PPP1R1C: variants seen among roughly 807,000 people sequenced by gnomAD.
The protein encoded by PPP1R1C is protein phosphatase 1 regulatory subunit 1C.
Under a neutral mutation model 17.4 loss-of-function variants are expected in PPP1R1C, and 15 were observed. The ratio of observed to expected loss-of-function variants is 0.86; its 90% CI spans 0.58 to 1.33. PPP1R1C has a LOEUF of 1.33. Among genes scored for constraint, PPP1R1C ranks in the 40% most tolerant of loss-of-function variants. The pLI, the probability that PPP1R1C is intolerant of heterozygous loss-of-function variation, is 0.00. For missense variants in PPP1R1C, 143 were observed against 130.0 expected (o/e 1.10, Z -0.48); for synonymous variants, 35 against 43.1 (o/e 0.81, Z 0.73).
At chr2:181,981,974 T>A (rs1685201041), upstream of PPP1R1C, among the ~76,000 whole-genome samples, 1 of 152,236 alleles carries the variant, frequency 6.6e-6, no homozygotes, top group African/African-American at 2.4e-5. Flanking sequence ...TTGCTTTTAT[T>A]TTTGATGGCA....
intron 2 of PPP1R1C, among the ~76,000 whole-genome samples, chr2:182,015,029 G>A (rs1686216304): frequency 6.6e-6 from 1 of 152,026 alleles, no homozygotes; most frequent in Non-Finnish European, 1.5e-5. Context: ...AAGTCCTCTT[G>A]GTGCTCTACT....
chr2:182,018,181 A>T (rs999124391), intron 2 of PPP1R1C, among the ~76,000 whole-genome samples: 2 of 152,194 alleles, frequency 1.3e-5, no homozygotes, highest in Admixed American at 6.5e-5. Context: ...CTAAACTAAG[A>T]CCAAATAAAA....
intron 4 of PPP1R1C, among the ~76,000 whole-genome samples, chr2:182,080,572 TA>T (rs1314041898): frequency 1.3e-5 from 2 of 152,218 alleles, no homozygotes; most frequent in African/African-American, 2.4e-5. Context: ...CATTCACACA[TA>T]TTTCAGATAG....
chr2:181,997,680 A>T (rs1472553810), intron 2 of PPP1R1C, among the ~76,000 whole-genome samples: 1 of 152,196 alleles, frequency 6.6e-6, no homozygotes. Flanking sequence ...TTAAGATTAT[A>T]TTCTCATTTG....
chr2:182,083,653 C>T (rs890851359), intron 4 of PPP1R1C, among the ~76,000 whole-genome samples: 4 of 152,020 alleles, frequency 2.6e-5, no homozygotes, highest in Non-Finnish European at 4.4e-5. Context: ...TTTCTTTATC[C>T]GATCATTGGT....
At chr2:182,079,149 T>C (rs1342897298) in intron 4 of PPP1R1C, among the ~76,000 whole-genome samples, 1 of 152,212 alleles carries the variant, frequency 6.6e-6, no homozygotes, top group Non-Finnish European at 1.5e-5. Flanking sequence ...GTAAACACTA[T>C]ATTCTGATGA....
intron 5 of PPP1R1C, among the ~76,000 whole-genome samples, chr2:182,124,314 GTTTT>G (rs796745919): frequency 2.4e-5 from 1 of 42,100 alleles, no homozygotes; most frequent in African/African-American, 6.8e-5. Flanking sequence ...GTTTTTTTTT[GTTTT>G]TTTTTTTTGT....
At chr2:181,989,470 C>A (rs1685397893) in intron 2 of PPP1R1C, among the ~76,000 whole-genome samples, 1 of 152,178 alleles carries the variant, frequency 6.6e-6, no homozygotes, top group African/African-American at 2.4e-5. Context: ...TTTCCACTGG[C>A]ACTGGCTTTG....
chr2:182,108,572 A>G (rs1023873388), intron 4 of PPP1R1C, among the ~76,000 whole-genome samples: 11 of 152,126 alleles, frequency 7.2e-5, no homozygotes, highest in African/African-American at 2.7e-4. Context: ...CATAATAACC[A>G]TATATTCATT....
chr2:182,036,414 A>G (rs1687004916), intron 2 of PPP1R1C, among the ~76,000 whole-genome samples: 1 of 152,224 alleles, frequency 6.6e-6, no homozygotes, highest in African/African-American at 2.4e-5. Flanking sequence ...TTACTGGATT[A>G]TTACTATTAT....
intron 2 of PPP1R1C, among the ~76,000 whole-genome samples, chr2:182,001,945 A>G (rs1276331415): frequency 1.3e-5 from 2 of 152,154 alleles, no homozygotes; most frequent in Admixed American, 6.6e-5. Context: ...TCATATACGT[A>G]TAGCTTCACA....
intron 4 of PPP1R1C, 129 bp downstream of exon 4, chr2:182,063,920 T>A: frequency 2.8e-6 from 2 of 718,272 alleles, no homozygotes; most frequent in Non-Finnish European, 5.0e-6. Flanking sequence ...AACAGTGTTA[T>A]GTTCAGTAAG....
chr2:182,087,632 T>C (rs1263108987), intron 4 of PPP1R1C, among the ~76,000 whole-genome samples: 1 of 152,154 alleles, frequency 6.6e-6, no homozygotes, highest in Non-Finnish European at 1.5e-5. Context: ...GTTGAGTGAA[T>C]GAATGGACTC....
Position 182,123,292 on chromosome 2 carries a change from G to A in PPP1R1C, c.*7-5682G>A, listed in dbSNP as rs144492695. ...GTTGGTTCCAAGTCTTTGCTTTTGT[G>A]AATAGTGCCACAATAAACATACGTG... is the stretch of plus-strand genomic sequence containing the variant. On this transcript the variant is annotated intron_variant, in intron 5 of 5. Transcript: ENST00000280295. Among the ~76,000 whole-genome samples the A allele has an allele frequency of 4.7e-3, 717 of 152,278 alleles. 6 individuals carry two copies. The highest frequency in any genetic ancestry group is 0.041 in the South Asian group (195 of 4,812).
chr2:182,127,099 A>T (rs1470782295), intron 5 of PPP1R1C, among the ~76,000 whole-genome samples: 1 of 152,136 alleles, frequency 6.6e-6, no homozygotes, highest in African/African-American at 2.4e-5. Context: ...ATATTAGAGT[A>T]TATTCAGCAA....
At chr2:182,071,982 C>A (rs1688153524) in intron 4 of PPP1R1C, among the ~76,000 whole-genome samples, 1 of 152,194 alleles carries the variant, frequency 6.6e-6, no homozygotes, top group South Asian at 2.1e-4. Flanking sequence ...CTCCAAGGAG[C>A]TCTCAAATAT....
intron 1 of PPP1R1C, among the ~76,000 whole-genome samples, chr2:181,973,382 A>G (rs965147130): frequency 1.3e-5 from 2 of 152,260 alleles, no homozygotes; most frequent in South Asian, 4.1e-4. Flanking sequence ...GAGTTTACGC[A>G]GAGCCAGAAG....
intron 1 of PPP1R1C, among the ~76,000 whole-genome samples, chr2:181,955,655 G>C (rs1293914836): frequency 6.6e-6 from 1 of 152,090 alleles, no homozygotes; most frequent in African/African-American, 2.4e-5. Flanking sequence ...TTCAAAACTT[G>C]TCCATTCTAA....
At chr2:182,082,230 A>G (rs1285157365) in intron 4 of PPP1R1C, among the ~76,000 whole-genome samples, 4 of 152,206 alleles carry the variant, frequency 2.6e-5, no homozygotes, top group African/African-American at 9.6e-5. Flanking sequence ...CAACAGATGA[A>G]TGCATGCATG....
Sources: gnomAD v4.1 joint callset for allele counts (sites outside exome capture counted in the v4.1 genomes callset) on GRCh38, gnomAD v4.1.1 for gene constraint, MANE v1.5 for transcripts, NCBI Gene and HGNC (gene_info 2026-07-23, HGNC 2026-07-21) for gene names.